Variants in LORICRIN observed in about 807,000 individuals in gnomAD.
LORICRIN encodes the protein loricrin cornified envelope precursor protein.
LORICRIN carries 5 observed loss-of-function variants against 3.3 expected under a neutral mutation model. The observed-to-expected ratio is 1.52, with a 90% CI of 0.79 to 3.19. LORICRIN has a LOEUF of 3.19. LORICRIN is among the 30% of genes most tolerant of loss of function. The probability of loss-of-function intolerance (pLI) is 0.00; values close to 1 mark genes in which losing one functional copy is unlikely to be tolerated. For missense variants in LORICRIN, 524 were observed against 460.2 expected (o/e 1.14, Z -1.27); for synonymous variants, 237 against 231.4 (o/e 1.02, Z -0.22).
chr1:153,260,217 C>T (rs1266291233), intron 1 of LORICRIN, among the ~76,000 whole-genome samples: 1 of 152,226 alleles, frequency 6.6e-6, no homozygotes, highest in Non-Finnish European at 1.5e-5. Context: ...AATACAACTT[C>T]CTACTAGTCA....
In LORICRIN at chr1:153,261,272, G is replaced by A; in HGVS notation, c.323G>A (p.Gly108Glu). ...GGCTCTGGCTGTTTCTCCAGCGGTG[G>A]GGGCGGCTCCGGCTGCTTCTCCTCC... is the stretch of plus-strand genomic sequence containing the variant. ...GGGSGCFSSG[G>E]GGSGCFSSGG... Residue 108 changes from glycine (G) to glutamate (E), a missense_variant, in exon 2 of 2, where the codon GGG (glycine) becomes GAG (glutamate). Physicochemically the swap from Gly to Glu is moderately conservative, Grantham distance 98. Coordinates refer to ENST00000368742, the MANE Select transcript of LORICRIN (RefSeq NM_000427.3). 7.0e-7 allele frequency: 1 copy of A among 1,426,704 alleles called. No homozygotes were observed. The highest frequency in any genetic ancestry group is 9.1e-7 in the Non-Finnish European group (1 of 1,099,588). The allele number at this position is 1,426,704 out of a possible 1,614,324, so 88.4% of individuals were successfully genotyped here. A position where few individuals can be genotyped will look rare whatever the true frequency, so the allele number is the denominator to read the frequency against.
At chr1:153,260,152 CA>C (rs1658729711) in intron 1 of LORICRIN, among the ~76,000 whole-genome samples, 1 of 152,174 alleles carries the variant, frequency 6.6e-6, no homozygotes, top group Non-Finnish European at 1.5e-5. Context: ...GGAGGGATTT[CA>C]GGTGCCACAG....
Position 153,261,454 on chromosome 1 carries a change from TC to T in LORICRIN, c.507del (p.Ser170ProfsTer169). 6.7e-7 allele frequency: 1 copy of T among 1,491,852 alleles called. No homozygotes were observed. Among genetic ancestry groups the T allele is most frequent in the Non-Finnish European group, 8.9e-7 (1 of 1,129,912 alleles). 92.4% of individuals were successfully genotyped at this position (1,491,852 alleles called of 1,614,324 possible). Reference protein sequence around the residue: ...QSYGGVSSGGSSGGGSGCFSS... With the variant: ...QSYGGVSSGGXSGGGSGCFSS... ...CTACGGAGGCGTCTCTAGCGGCGGC[TC>T]CTCCGGGGGCGGCTCCGGCTGCTTC... On this transcript the variant is annotated frameshift_variant, in exon 2 of 2. Coordinates refer to ENST00000368742, the MANE Select transcript of LORICRIN (RefSeq NM_000427.3). LOFTEE classifies it low-confidence loss of function (END_TRUNC).
rs759579268 is a variant in LORICRIN at position 153,261,226 on chromosome 1, G to A, written c.277G>A (p.Gly93Ser). The A allele has an allele frequency of 2.1e-4, 292 of 1,372,878 alleles. No homozygotes were observed. The highest frequency in any genetic ancestry group is 2.5e-4 in the Non-Finnish European group (267 of 1,068,848). The allele number at this position is 1,372,878 out of a possible 1,614,324, so 85.0% of individuals were successfully genotyped here. A position where few individuals can be genotyped will look rare whatever the true frequency, so the allele number is the denominator to read the frequency against. ...CGGTGGGAGCGTCAAGTACTCCGGA[G>A]GCGGCGGCTCCTCCGGCGGGGGCTC... The part of the protein sequence containing the change: ...GSGGSVKYSG[G>S]GGSSGGGSGC... Residue 93 changes from glycine (G) to serine (S), a missense_variant, in exon 2 of 2, where the codon GGC becomes AGC. Physicochemically the swap from Gly to Ser is moderately conservative, Grantham distance 56. Transcript: ENST00000368742.
Position 153,261,057 on chromosome 1 carries a change from C to T in LORICRIN, c.108C>T (p.Phe36=). The change falls in exon 2 of 2, where the codon TTC becomes TTT. Residue 36 remains phenylalanine (F), a synonymous_variant. Coordinates refer to ENST00000368742, the MANE Select transcript of LORICRIN (RefSeq NM_000427.3). ...GCAGCGGCGGTGGTGGCTGCGGCTT[C>T]TTCGGCGGCGGCGGCTCAGGGGGCG... ...GGGSGGGGCG[F]FGGGGSGGGS... is the part of the protein sequence containing the mutation. 6.5e-7 allele frequency: 1 copy of T among 1,534,042 alleles called. No individual in the cohort carries two copies.
intron 1 of LORICRIN, 133 bp from the exon 2 acceptor site, chr1:153,260,794 A>C: frequency 1.7e-6 from 1 of 573,570 alleles, no homozygotes; most frequent in Non-Finnish European, 3.0e-6. Flanking sequence ...CAGCAATCAT[A>C]AGAAACCCCG....
chr1:153,261,048 C>G lies in LORICRIN; in HGVS notation c.99C>G (p.Gly33=), dbSNP rs569036793. 18 of 1,544,956 alleles carry G rather than the reference C, an allele frequency of 1.2e-5. No homozygotes were observed. Among genetic ancestry groups the G allele is most frequent in the Middle Eastern group, 3.4e-4 (2 of 5,844 alleles). The change falls in exon 2 of 2, where the codon GGC becomes GGG. Residue 33 remains glycine, a synonymous_variant. Coordinates refer to ENST00000368742, the MANE Select transcript of LORICRIN (RefSeq NM_000427.3). ...GGGGGGSGGG[G]CGFFGGGGSG... is the part of the protein sequence containing the mutation. The stretch of plus-strand genomic sequence containing the variant: ...GTGGCGGCGGCAGCGGCGGTGGTGG[C>G]TGCGGCTTCTTCGGCGGCGGCGGCT...
In LORICRIN at chr1:153,261,059, T is replaced by TCGG. The variant is rs770195151; in HGVS notation, c.121_123dup (p.Gly41dup). ...AGCGGCGGTGGTGGCTGCGGCTTCTTCGGCGGCGGCGGCTCAGGGGGCGGT... is the reference window on the plus strand; with the variant it reads ...AGCGGCGGTGGTGGCTGCGGCTTCTTCGGCGGCGGCGGCGGCTCAGGGGGCGGT... On this transcript the variant is annotated inframe_insertion, in exon 2 of 2. Transcript: ENST00000368742. 4.3e-3 allele frequency: 6,523 copies of TCGG among 1,513,536 alleles called. 18 individuals are homozygous for TCGG. Among genetic ancestry groups the TCGG allele is most frequent in the Non-Finnish European group, 5.0e-3 (5,679 of 1,125,658 alleles). The allele number at this position is 1,513,536 out of a possible 1,614,324, so 93.8% of individuals were successfully genotyped here. A position where few individuals can be genotyped will look rare whatever the true frequency, so the allele number is the denominator to read the frequency against.
rs2101704693 is a variant in LORICRIN at position 153,261,520 on chromosome 1, G to GGCGGCGGCTCTA, written c.582_583insAGCGGCGGCTCT (p.Ser194_Gly195insSerGlyGlySer). The GGCGGCGGCTCTA allele has an allele frequency of 6.6e-7, 1 of 1,509,888 alleles. No homozygotes were observed. Among genetic ancestry groups the GGCGGCGGCTCTA allele is most frequent in the East Asian group, 2.6e-5 (1 of 38,862 alleles). The allele number at this position is 1,509,888 out of a possible 1,614,324, so 93.5% of individuals were successfully genotyped here. The stretch of plus-strand genomic sequence containing the variant: ...CGGCGGCTCTGTCTGCGGCTACTCT[G>GGCGGCGGCTCTA]GCGGCGGCTCTGGCTGCGGCGGAGG... On this transcript the variant is annotated inframe_insertion, in exon 2 of 2. Transcript: ENST00000368742.
chr1:153,261,633 G>T lies in LORICRIN; in HGVS notation c.684G>T (p.Gly228=). 1.3e-6 allele frequency: 2 copies of T among 1,485,460 alleles called. No individual in the cohort carries two copies. The highest frequency in any genetic ancestry group is 1.8e-6 in the Non-Finnish European group (2 of 1,126,636). 92.0% of individuals were successfully genotyped at this position (1,485,460 alleles called of 1,614,324 possible). A position where few individuals can be genotyped will look rare whatever the true frequency, so the allele number is the denominator to read the frequency against. The change falls in exon 2 of 2, where the codon GGG becomes GGT. Residue 228 remains glycine, a synonymous_variant. Coordinates refer to ENST00000368742, the MANE Select transcript of LORICRIN (RefSeq NM_000427.3). ...SCAPQPSYGG[G]SSGGGGSGGS... ...CGCCCCAGCCGAGTTACGGAGGGGGGTCGTCCGGCGGCGGCGGCAGCGGCG... is the reference window on the plus strand; with the variant it reads ...CGCCCCAGCCGAGTTACGGAGGGGGTTCGTCCGGCGGCGGCGGCAGCGGCG...
At position 153,261,962 on chromosome 1, in the gene LORICRIN, T is replaced by A; in HGVS notation, c.*74T>A. The A allele has an allele frequency of 3.4e-6, 5 of 1,461,348 alleles. No homozygotes were observed. The highest frequency in any genetic ancestry group is 4.7e-6 in the Non-Finnish European group (5 of 1,060,042). The allele number at this position is 1,461,348 out of a possible 1,614,324, so 90.5% of individuals were successfully genotyped here. On this transcript the variant is annotated 3_prime_UTR_variant, in exon 2 of 2. Coordinates refer to ENST00000368742, the MANE Select transcript of LORICRIN (RefSeq NM_000427.3). ...GGCACCGATGGGCTTAGAGCTCTCA[T>A]GATGCTACCCGAGGTTTGCAAATCC...
chr1:153,261,553 GGC>G lies in LORICRIN; in HGVS notation c.606_607del (p.Gly203GlnfsTer132). 6.6e-7 allele frequency: 1 copy of G among 1,512,418 alleles called. No homozygotes were observed. Among genetic ancestry groups the G allele is most frequent in the Non-Finnish European group, 8.8e-7 (1 of 1,135,610 alleles). 93.7% of individuals were successfully genotyped at this position (1,512,418 alleles called of 1,614,324 possible). A position where few individuals can be genotyped will look rare whatever the true frequency, so the allele number is the denominator to read the frequency against. Reference protein sequence around the residue: ...GGSGCGGGSSGGSGSGYVSSQ... With the variant: ...GGSGCGGGSSXGSGSGYVSSQ... The stretch of plus-strand genomic sequence containing the variant: ...CTCTGGCTGCGGCGGAGGCTCCTCT[GGC>G]GGCAGCGGCTCCGGCTACGTCTCCT... On this transcript the variant is annotated frameshift_variant, in exon 2 of 2. Transcript: ENST00000368742. LOFTEE classifies it low-confidence loss of function (END_TRUNC).
At position 153,261,690 on chromosome 1, in the gene LORICRIN, C is replaced by T. The variant is rs1277864385; in HGVS notation, c.741C>T (p.Gly247=). 3 of 1,506,072 alleles carry T rather than the reference C, an allele frequency of 2.0e-6. No individual in the cohort carries two copies. The highest frequency in any genetic ancestry group is 2.3e-4 in the Middle Eastern group (1 of 4,362). 93.3% of individuals were successfully genotyped at this position (1,506,072 alleles called of 1,614,324 possible). A position where few individuals can be genotyped will look rare whatever the true frequency, so the allele number is the denominator to read the frequency against. ...GCTGCTTCTCCAGCGGCGGGGGCGGCGGGAGCTCCGGCTGCGGCGGCGGCT... is the reference window on the plus strand; with the variant it reads ...GCTGCTTCTCCAGCGGCGGGGGCGGTGGGAGCTCCGGCTGCGGCGGCGGCT... ...GSGCFSSGGG[G]GSSGCGGGSS... The change falls in exon 2 of 2, where the codon GGC becomes GGT. Residue 247 remains glycine, a synonymous_variant. Transcript: ENST00000368742.
chr1:153,260,876 G>C, intron 1 of LORICRIN, 51 bp from the exon 2 acceptor site: 3 of 1,333,296 alleles, frequency 2.3e-6, no homozygotes, highest in South Asian at 1.3e-5. Flanking sequence ...AGCTGCCTCC[G>C]TAAGTATCCT....
rs1484647460 is a variant in LORICRIN, at chr1:153,261,271, G to A, written c.322G>A (p.Gly108Arg). Reference sequence around the variant, plus strand: ...GGGCTCTGGCTGTTTCTCCAGCGGTGGGGGCGGCTCCGGCTGCTTCTCCTC... The same window carrying A: ...GGGCTCTGGCTGTTTCTCCAGCGGTAGGGGCGGCTCCGGCTGCTTCTCCTC... ...GGGSGCFSSG[G>R]GGSGCFSSGG... Residue 108 changes from glycine to arginine, a missense_variant, in exon 2 of 2, where the codon GGG (glycine) becomes AGG (arginine). Transcript: ENST00000368742. 2.8e-6 allele frequency: 4 copies of A among 1,424,596 alleles called. No individual in the cohort carries two copies. The highest frequency in any genetic ancestry group is 1.5e-5 in the African/African-American group (1 of 65,782). The allele number at this position is 1,424,596 out of a possible 1,614,324, so 88.2% of individuals were successfully genotyped here.
At position 153,260,977 on chromosome 1, in the gene LORICRIN, C is replaced by G; in HGVS notation, c.28C>G (p.Pro10Ala). 1 of 1,596,586 alleles carries G rather than the reference C, an allele frequency of 6.3e-7. No homozygotes were observed. The highest frequency in any genetic ancestry group is 8.5e-7 in the Non-Finnish European group (1 of 1,171,872). ...GTCTTATCAGAAAAAGCAGCCCACC[C>G]CTCAGCCCCCAGTGGACTGCGTGAA... Reference protein sequence around the residue: MSYQKKQPTPQPPVDCVKTS... With the variant: MSYQKKQPTAQPPVDCVKTS... Residue 10 changes from proline to alanine, a missense_variant, in exon 2 of 2, where the codon CCT (proline) becomes GCT (alanine). Pro to Ala is a conservative substitution (Grantham distance 27). Transcript: ENST00000368742.
rs781412996 is a variant in LORICRIN, at chr1:153,261,708, C to T, written c.759C>T (p.Gly253=). The change falls in exon 2 of 2, where the codon GGC becomes GGT. Residue 253 remains glycine (G), a synonymous_variant. Transcript: ENST00000368742. The part of the protein sequence containing the change: ...SGGGGGSSGC[G]GGSSGIGSGC... The stretch of plus-strand genomic sequence containing the variant: ...GGGGCGGCGGGAGCTCCGGCTGCGG[C>T]GGCGGCTCCTCCGGGATTGGCAGCG... 2 of 1,527,800 alleles carry T rather than the reference C, an allele frequency of 1.3e-6. No individual in the cohort carries two copies. Among genetic ancestry groups the T allele is most frequent in the South Asian group, 1.2e-5 (1 of 80,738 alleles). The allele number at this position is 1,527,800 out of a possible 1,614,324, so 94.6% of individuals were successfully genotyped here. A position where few individuals can be genotyped will look rare whatever the true frequency, so the allele number is the denominator to read the frequency against.
chr1:153,262,001 C>G lies in LORICRIN; in HGVS notation c.*113C>G. On this transcript the variant is annotated 3_prime_UTR_variant, in exon 2 of 2. Transcript: ENST00000368742. ...GTTTGCAAATCCTTCATGTCTTAAC[C>G]TACCTGGAAGAAGCCATTGAGCTCT... is the stretch of plus-strand genomic sequence containing the variant. The G allele has an allele frequency of 8.6e-7, 1 of 1,168,072 alleles. No individual in the cohort carries two copies. Among genetic ancestry groups the G allele is most frequent in the Non-Finnish European group, 1.3e-6 (1 of 797,800 alleles). The allele number at this position is 1,168,072 out of a possible 1,614,324, so 72.4% of individuals were successfully genotyped here.
Position 153,261,460 on chromosome 1 carries a change from G to T in LORICRIN, c.511G>T (p.Gly171Trp), listed in dbSNP as rs1369687539. The stretch of plus-strand genomic sequence containing the variant: ...AGGCGTCTCTAGCGGCGGCTCCTCC[G>T]GGGGCGGCTCCGGCTGCTTCTCCAG... ...YGGVSSGGSS[G>W]GGSGCFSSGG... The change falls in exon 2 of 2, where the codon GGG becomes TGG. Residue 171 changes from glycine to tryptophan, a missense_variant. By Grantham distance (184) the Gly-to-Trp change is radical. Transcript: ENST00000368742. 3 of 1,506,992 alleles carry T rather than the reference G, an allele frequency of 2.0e-6. No homozygotes were observed. The highest frequency in any genetic ancestry group is 2.1e-5 in the Admixed American group (1 of 48,686). The allele number at this position is 1,506,992 out of a possible 1,614,324, so 93.4% of individuals were successfully genotyped here. A position where few individuals can be genotyped will look rare whatever the true frequency, so the allele number is the denominator to read the frequency against.
Sources: allele counts gnomAD v4.1 joint callset (sites outside exome capture counted in the v4.1 genomes callset), GRCh38; gene constraint gnomAD v4.1.1; transcripts MANE v1.5; gene names NCBI Gene and HGNC (gene_info 2026-07-23, HGNC 2026-07-21).